The following GALNT13 variants were observed in gnomAD, a reference collection of about 807,000 sequenced individuals.
The protein encoded by GALNT13 is UDP-GalNAc:polypeptide N-acetylgalactosaminyltransferase 13.
In GALNT13, 28 loss-of-function variants were observed where a neutral mutation model predicts 64.2. The observed-to-expected ratio is 0.44, with a 90% CI of 0.32 to 0.60. GALNT13 has a LOEUF of 0.60. Ranked by LOEUF, GALNT13 falls within the 20% of genes least tolerant of loss-of-function variation. The pLI, the probability that GALNT13 is intolerant of heterozygous loss-of-function variation, is 0.05. For synonymous variants in GALNT13, 214 were observed against 224.6 expected (o/e 0.95, Z 0.42); for missense variants, 577 against 669.8 (o/e 0.86, Z 1.53).
intron 1 of GALNT13, among the ~76,000 whole-genome samples, chr2:153,878,723 C>T (rs1483140862): frequency 6.6e-6 from 1 of 152,162 alleles, no homozygotes; most frequent in Non-Finnish European, 1.5e-5. Context: ...CACATCCCAA[C>T]TTGTACGGGT....
chr2:153,497,549 T>A, the GALNT13 span, among the ~76,000 whole-genome samples: 5 of 124,546 alleles, frequency 4.0e-5, no homozygotes, highest in Non-Finnish European at 8.0e-5. Context: ...TTTTTTTTTT[T>A]TTTTTTGAGA....
chr2:153,770,463 T>C, the GALNT13 span, among the ~76,000 whole-genome samples: 2 of 152,162 alleles, frequency 1.3e-5, no homozygotes, highest in Non-Finnish European at 2.9e-5. Context: ...GCTGAAGCGA[T>C]ATTGGTATCA....
chr2:153,132,000 G>A, the GALNT13 span, among the ~76,000 whole-genome samples: 1 of 152,136 alleles, frequency 6.6e-6, no homozygotes, highest in South Asian at 2.1e-4. Context: ...TGAGGAAGGA[G>A]CCTTAGTCAA....
At chr2:153,656,454 G>A in the GALNT13 span, among the ~76,000 whole-genome samples, 200 of 152,072 alleles carry the variant, frequency 1.3e-3, 1 homozygote, top group African/African-American at 4.3e-3. Context: ...GCTGTGAGTC[G>A]CCTGAGAATA....
the GALNT13 span, among the ~76,000 whole-genome samples, chr2:153,108,781 A>G: frequency 1.3e-5 from 2 of 152,160 alleles, no homozygotes; most frequent in Non-Finnish European, 2.9e-5. Flanking sequence ...GTCAAGTTTT[A>G]TTAACTTGCT....
At chr2:153,874,330 G>A (rs1227800704) in intron 1 of GALNT13, among the ~76,000 whole-genome samples, 1 of 151,420 alleles carries the variant, frequency 6.6e-6, no homozygotes, top group African/African-American at 2.4e-5. Context: ...GAATTTTCCT[G>A]GCTGCTTCTG....
intron 8 of GALNT13, among the ~76,000 whole-genome samples, chr2:154,266,756 T>G (rs1691025518): frequency 6.6e-6 from 1 of 151,720 alleles, no homozygotes; most frequent in African/African-American, 2.4e-5. Context: ...ATAGATTCAA[T>G]GCAATAGTTA....
the GALNT13 span, among the ~76,000 whole-genome samples, chr2:153,441,807 G>A: frequency 6.6e-6 from 1 of 152,148 alleles, no homozygotes; most frequent in Non-Finnish European, 1.5e-5. Context: ...TGTATCCTGA[G>A]ACTTTGCTGA....
chr2:153,196,270 G>A, the GALNT13 span, among the ~76,000 whole-genome samples: 3 of 152,216 alleles, frequency 2.0e-5, no homozygotes, highest in African/African-American at 7.2e-5. Context: ...ATGCCAAGGG[G>A]CACCTGCAGG....
the GALNT13 span, among the ~76,000 whole-genome samples, chr2:153,210,690 C>T: frequency 6.6e-6 from 1 of 152,104 alleles, no homozygotes; most frequent in African/African-American, 2.4e-5. Context: ...GAATGTAATA[C>T]ATTTTCAAAG....
chr2:154,094,980 G>A (rs1285006138), intron 3 of GALNT13, among the ~76,000 whole-genome samples: 1 of 151,730 alleles, frequency 6.6e-6, no homozygotes, highest in Non-Finnish European at 1.5e-5. Flanking sequence ...CTATATTTTT[G>A]TATTGAATCC....
the GALNT13 span, among the ~76,000 whole-genome samples, chr2:153,620,091 C>A: frequency 1.1e-4 from 17 of 151,878 alleles, no homozygotes; most frequent in Non-Finnish European, 2.2e-4. Flanking sequence ...CTTAGATTTT[C>A]CCTTTTGAGG....
chr2:153,256,722 C>T, the GALNT13 span, among the ~76,000 whole-genome samples: 1 of 152,116 alleles, frequency 6.6e-6, no homozygotes, highest in Admixed American at 6.5e-5. Context: ...TGTGAGGTGT[C>T]AGTCTGCCCC....
rs376189491 is a variant in GALNT13 at position 154,032,739 on chromosome 2, A to T, written c.142+88100A>T. Among the ~76,000 whole-genome samples the T allele has an allele frequency of 2.7e-4, 41 of 152,104 alleles. No homozygotes were observed. The East Asian group carries it at 6.4e-3, about 24-fold the overall frequency. ...TAAACTTCTCAAAATACTAAAAAAT[A>T]GGAAGATAATTCGTTAACCTTAAAT... On this transcript the variant is annotated intron_variant, in intron 3 of 12. Transcript: ENST00000392825.
At chr2:153,875,001 C>G (rs1027339018) in intron 1 of GALNT13, among the ~76,000 whole-genome samples, 1 of 152,054 alleles carries the variant, frequency 6.6e-6, no homozygotes, top group Non-Finnish European at 1.5e-5. Flanking sequence ...GAAAAGTTCT[C>G]TCTTTTAATA....
At chr2:153,531,505 A>G in the GALNT13 span, among the ~76,000 whole-genome samples, 1 of 152,170 alleles carries the variant, frequency 6.6e-6, no homozygotes, top group Non-Finnish European at 1.5e-5. Flanking sequence ...TTACATTTCA[A>G]CATGAGTGAG....
At chr2:154,419,900 A>T (rs757245588) in intron 11 of GALNT13, among the ~76,000 whole-genome samples, 1 of 152,154 alleles carries the variant, frequency 6.6e-6, no homozygotes, top group Non-Finnish European at 1.5e-5. Context: ...CTGTTGATTA[A>T]TTGGTTAAAG....
At chr2:153,757,323 T>C in the GALNT13 span, among the ~76,000 whole-genome samples, 53 of 152,246 alleles carry the variant, frequency 3.5e-4, no homozygotes, top group Non-Finnish European at 7.4e-4. Context: ...TCCACACTCA[T>C]ATATGTTGTT....
At chr2:153,073,167 T>C in the GALNT13 span, among the ~76,000 whole-genome samples, 1 of 152,142 alleles carries the variant, frequency 6.6e-6, no homozygotes, top group African/African-American at 2.4e-5. Context: ...TTTAATAAGG[T>C]CATGGATAAG....
Sources: allele counts gnomAD v4.1 joint callset (sites outside exome capture counted in the v4.1 genomes callset), GRCh38; gene constraint gnomAD v4.1.1; transcripts MANE v1.5; gene names NCBI Gene and HGNC (gene_info 2026-07-23, HGNC 2026-07-21).